Variants in BRAF observed in about 807,000 individuals in gnomAD.
BRAF encodes the protein serine/threonine-protein kinase B-raf.
A neutral mutation model predicts 104.6 loss-of-function variants in BRAF; 16 were observed. That is an observed-to-expected ratio of 0.15 (90% CI 0.10 to 0.23). BRAF has a LOEUF of 0.23. Ranked by LOEUF, BRAF falls within the 10% of genes least tolerant of loss-of-function variation. The probability of loss-of-function intolerance (pLI) is 1.00; values close to 1 mark genes in which losing one functional copy is unlikely to be tolerated. For missense variants in BRAF, 541 were observed against 937.3 expected (o/e 0.58, Z 5.52); for synonymous variants, 310 against 341.6 (o/e 0.91, Z 1.02).
intron 16 of BRAF, among the ~76,000 whole-genome samples, chr7:140,749,936 A>G (rs539655220): frequency 1.4e-4 from 21 of 152,318 alleles, no homozygotes; most frequent in African/African-American, 4.8e-4. Context: ...CCCCTTTCAA[A>G]CTATGGAATA....
chr7:140,753,327 C>T lies in BRAF; in HGVS notation c.1928G>A (p.Arg643Gln), dbSNP rs372569965. 1.2e-6 allele frequency: 2 copies of T among 1,612,712 alleles called. No individual in the cohort carries two copies. The highest frequency in any genetic ancestry group is 2.2e-5 in the East Asian group (1 of 44,814). ...TTCAAACTGATGGGACCCACTCCAT[C>T]GAGATTTCACTGTAGCTAGACCAAA... ...GDFGLATVKS[R>Q]WSGSHQFEQL... Residue 643 changes from arginine to glutamine, a missense_variant, in exon 16 of 20, where the codon CGA (arginine) becomes CAA (glutamine). This residue lies in a region of BRAF where 129 missense variants were observed against 285.8 expected (regional missense o/e 0.45). Coordinates refer to ENST00000644969, the MANE Select transcript of BRAF (RefSeq NM_001374258.1).
At chr7:140,776,151 A>T (rs1249043620) in intron 14 of BRAF, among the ~76,000 whole-genome samples, 1 of 152,216 alleles carries the variant, frequency 6.6e-6, no homozygotes, top group African/African-American at 2.4e-5. Context: ...TCATAACATT[A>T]TAAAGATTAA....
intron 1 of BRAF, among the ~76,000 whole-genome samples, chr7:140,876,894 A>G (rs578076082): frequency 6.6e-6 from 1 of 152,312 alleles, no homozygotes; most frequent in South Asian, 2.1e-4. Flanking sequence ...ATTCTGAGTC[A>G]TAAGACAAAC....
chr7:140,840,769 T>C (rs1807877397), intron 2 of BRAF, among the ~76,000 whole-genome samples: 1 of 150,350 alleles, frequency 6.7e-6, no homozygotes, highest in Non-Finnish European at 1.5e-5. Flanking sequence ...CCAGCCTGGG[T>C]GACTCTGCCA....
At chr7:140,863,957 T>A (rs750393798) in intron 1 of BRAF, among the ~76,000 whole-genome samples, 8 of 152,182 alleles carry the variant, frequency 5.3e-5, no homozygotes, top group Non-Finnish European at 1.0e-4. Flanking sequence ...AAATATACCA[T>A]CCCATTTTAT....
intron 1 of BRAF, among the ~76,000 whole-genome samples, chr7:140,919,830 G>GT (rs71522121): frequency 0.39 from 57,677 of 148,212 alleles, 13,601 homozygotes; most frequent in Non-Finnish European, 0.55. Flanking sequence ...AAGTTTTTTT[G>GT]TTTTTTTTTT....
intron 1 of BRAF, among the ~76,000 whole-genome samples, chr7:140,900,704 G>A (rs1011162935): frequency 2.0e-5 from 3 of 152,052 alleles, no homozygotes; most frequent in Non-Finnish European, 2.9e-5. Flanking sequence ...TTCACCTCCC[G>A]GATTCAAGTG....
chr7:140,765,319 A>C (rs1178841451), intron 14 of BRAF, among the ~76,000 whole-genome samples: 2 of 151,998 alleles, frequency 1.3e-5, no homozygotes, highest in Admixed American at 6.5e-5. Context: ...TAAAGACTTA[A>C]ACGTTAGACC....
chr7:140,753,345 A>T lies in BRAF; in HGVS notation c.1910T>A (p.Leu637Gln), dbSNP rs121913366. Residue 637 changes from leucine (L) to glutamine (Q), a missense_variant, in exon 16 of 20, where the codon CTA becomes CAA. This residue lies in a region of BRAF where 129 missense variants were observed against 285.8 expected (regional missense o/e 0.45). Coordinates refer to ENST00000644969, the MANE Select transcript of BRAF (RefSeq NM_001374258.1). ...ACTCCATCGAGATTTCACTGTAGCT[A>T]GACCAAAATCACCTATTTTTACTGT... ...DLTVKIGDFG[L>Q]ATVKSRWSGS... 6.2e-7 allele frequency: 1 copy of T among 1,612,712 alleles called. No individual in the cohort carries two copies.
intron 1 of BRAF, among the ~76,000 whole-genome samples, chr7:140,893,730 CAA>C: frequency 6.6e-6 from 1 of 152,142 alleles, no homozygotes; most frequent in Middle Eastern, 3.4e-3. Context: ...ACATAATAGG[CAA>C]AGACAGATAA....
At chr7:140,867,657 A>T (rs556151127) in intron 1 of BRAF, among the ~76,000 whole-genome samples, 16 of 152,178 alleles carry the variant, frequency 1.1e-4, no homozygotes, top group Non-Finnish European at 2.1e-4. Context: ...CATTGGTAAG[A>T]TGATACATGA....
At chr7:140,890,013 AG>A (rs1814038033) in intron 1 of BRAF, among the ~76,000 whole-genome samples, 1 of 152,206 alleles carries the variant, frequency 6.6e-6, no homozygotes, top group Non-Finnish European at 1.5e-5. Flanking sequence ...GTTGTGGTGA[AG>A]ACTTATGGTA....
At chr7:140,887,030 T>C (rs1414831268) in intron 1 of BRAF, among the ~76,000 whole-genome samples, 1 of 152,206 alleles carries the variant, frequency 6.6e-6, no homozygotes, top group African/African-American at 2.4e-5. Flanking sequence ...GTCTGAACTA[T>C]TGTTGAGGAA....
Position 140,721,514 on chromosome 7 carries a change from T to C in BRAF, c.*4980A>G. 2 of 1,407,072 alleles carry C rather than the reference T, an allele frequency of 1.4e-6. No individual in the cohort carries two copies. Among genetic ancestry groups the C allele is most frequent in the Non-Finnish European group, 1.8e-6 (2 of 1,084,156 alleles). The allele number at this position is 1,407,072 out of a possible 1,614,324, so 87.2% of individuals were successfully genotyped here. Reference sequence around the variant, plus strand: ...CAGAGCTTACTGTCTAGTGTACTAATAAAACAAACATCTTACCAGTATTTT... The same window carrying C: ...CAGAGCTTACTGTCTAGTGTACTAACAAAACAAACATCTTACCAGTATTTT... On this transcript the variant is annotated 3_prime_UTR_variant, in exon 20 of 20. Transcript: ENST00000644969.
intron 1 of BRAF, among the ~76,000 whole-genome samples, chr7:140,914,729 AC>A (rs1178551175): frequency 1.3e-5 from 2 of 152,184 alleles, no homozygotes; most frequent in African/African-American, 2.4e-5. Context: ...ACCAGAAATT[AC>A]GCTAACAAGA....
Position 140,725,804 on chromosome 7 carries a change from T to C in BRAF, c.*690A>G, listed in dbSNP as rs1454875865. On this transcript the variant is annotated 3_prime_UTR_variant, in exon 20 of 20. Coordinates refer to ENST00000644969, the MANE Select transcript of BRAF (RefSeq NM_001374258.1). ...CTGCTTGGTTAGACAGACCCCTCAG[T>C]GAGCAAGGAAACAAAAGGCCAGAGA... 9.4e-6 allele frequency: 10 copies of C among 1,062,870 alleles called. No individual in the cohort carries two copies. Among genetic ancestry groups the C allele is most frequent in the Non-Finnish European group, 1.1e-5 (10 of 878,048 alleles). The allele number at this position is 1,062,870 out of a possible 1,614,324, so 65.8% of individuals were successfully genotyped here.
chr7:140,793,861 A>G (rs1414163695), intron 8 of BRAF, among the ~76,000 whole-genome samples: 2 of 152,196 alleles, frequency 1.3e-5, no homozygotes, highest in African/African-American at 4.8e-5. Flanking sequence ...TTCTGGGTCA[A>G]GCGTTCCACC....
intron 12 of BRAF, chr7:140,780,336 G>T (rs1219308080): frequency 6.6e-6 from 1 of 151,310 alleles, no homozygotes. Flanking sequence ...CACCTCCTAG[G>T]TTCAAGCAAT....
intron 14 of BRAF, among the ~76,000 whole-genome samples, chr7:140,762,714 G>A (rs1471737865): frequency 6.6e-6 from 1 of 150,776 alleles, no homozygotes; most frequent in East Asian, 2.0e-4. Flanking sequence ...ATAAACAAGT[G>A]AACAAAGGTC....
Sources: gnomAD v4.1 joint callset for allele counts (sites outside exome capture counted in the v4.1 genomes callset) on GRCh38, gnomAD v4.1.1 for gene constraint, gnomAD v4.1.1 regional missense constraint, MANE v1.5 for transcripts, NCBI Gene and HGNC (gene_info 2026-07-23, HGNC 2026-07-21) for gene names.